The following KIF26B variants were observed in gnomAD, a reference collection of about 807,000 sequenced individuals.
KIF26B encodes kinesin family member 26B, also known as kinesin-like protein KIF26B.
KIF26B carries 63 observed loss-of-function variants against 151.2 expected under a neutral mutation model. The observed-to-expected ratio is 0.42, with a 90% confidence interval of 0.34 to 0.51. KIF26B has a LOEUF of 0.51. Ranked by LOEUF, KIF26B falls within the 20% of genes least tolerant of loss-of-function variation. The pLI is 0.07. For synonymous variants in KIF26B, 1,357 were observed against 1,262.1 expected, an observed-to-expected ratio of 1.08 and a Z score of -1.59; for missense variants, 2,813 against 2,913.6, an observed-to-expected ratio of 0.97 and a Z score of 0.79.
chr1:245,239,041 G>A lies in KIF26B; in HGVS notation c.465+82358G>A, dbSNP rs958988047. ...GACGTGGTTTCTTACGTCTAATTTC[G>A]TTTTCCACCATCTACTGCAAGAGTT... On this transcript the variant is annotated intron_variant, in intron 2 of 14. Transcript: ENST00000407071. This position sits in a 1 kb window ranked among gnomAD's most constrained non-coding sequence, Gnocchi z 4.3. Among the ~76,000 whole-genome samples, 3 of 152,070 alleles carry A rather than the reference G, an allele frequency of 2.0e-5. No individual in the cohort carries two copies. The highest frequency in any genetic ancestry group is 6.6e-5 in the Admixed American group (1 of 15,258).
chr1:245,219,304 A>T (rs999465562), intron 2 of KIF26B, among the ~76,000 whole-genome samples: 5 of 151,564 alleles, frequency 3.3e-5, no homozygotes, highest in Admixed American at 6.6e-5. Context: ...ACGCGCAGCT[A>T]ATTTTTTAGT....
At chr1:245,678,526 G>C (rs2044384086) in intron 10 of KIF26B, among the ~76,000 whole-genome samples, 1 of 152,072 alleles carries the variant, frequency 6.6e-6, no homozygotes, top group East Asian at 1.9e-4. Flanking sequence ...AATTCTGTGT[G>C]TGTAGTTTCC....
intron 10 of KIF26B, among the ~76,000 whole-genome samples, chr1:245,661,646 A>G (rs115780329): frequency 0.014 from 2,110 of 150,730 alleles, 62 homozygotes; most frequent in African/African-American, 0.049. Flanking sequence ...ATATACACCC[A>G]ATGTTATATA....
At chr1:245,565,596 G>T (rs2043001738) in intron 5 of KIF26B, among the ~76,000 whole-genome samples, 1 of 152,142 alleles carries the variant, frequency 6.6e-6, no homozygotes. Flanking sequence ...AGCCTCTGAT[G>T]CGTTCTTGCC....
In KIF26B at chr1:245,218,328, A is replaced by T. The variant is rs1669690800; in HGVS notation, c.465+61645A>T. The stretch of plus-strand genomic sequence containing the variant: ...TGGTTAGCATAAGATAAACAGGGAT[A>T]GTAGCAGCAGTTGTCACTCTGAGGG... On this transcript the variant is annotated intron_variant, in intron 2 of 14. Transcript: ENST00000407071. The surrounding 1 kb of genome is among the most constrained non-coding windows in gnomAD (Gnocchi z 4.1). 1.3e-5 allele frequency among the ~76,000 whole-genome samples: 2 copies of T among 151,958 alleles called. No individual in the cohort carries two copies. Among genetic ancestry groups the T allele is most frequent in the Non-Finnish European group, 2.9e-5 (2 of 68,022 alleles).
intron 2 of KIF26B, among the ~76,000 whole-genome samples, chr1:245,255,941 G>T (rs975498336): frequency 2.0e-5 from 3 of 152,148 alleles, no homozygotes; most frequent in Non-Finnish European, 4.4e-5. Flanking sequence ...GTAAATGGTT[G>T]AAATACTTCC....
At chr1:245,207,546 C>G (rs1669432174) in intron 2 of KIF26B, among the ~76,000 whole-genome samples, 1 of 152,182 alleles carries the variant, frequency 6.6e-6, no homozygotes, top group Admixed American at 6.5e-5. Flanking sequence ...GCAATGGCAT[C>G]TAATAAATAC....
chr1:245,211,018 G>A (rs1304192790), intron 2 of KIF26B, among the ~76,000 whole-genome samples: 1 of 152,136 alleles, frequency 6.6e-6, no homozygotes, highest in South Asian at 2.1e-4. Context: ...GGAGTATGGC[G>A]GTTTTTAAGC....
chr1:245,240,362 A>G (rs1293398237), intron 2 of KIF26B, among the ~76,000 whole-genome samples: 1 of 152,066 alleles, frequency 6.6e-6, no homozygotes, highest in African/African-American at 2.4e-5. Context: ...GTCGCACCTT[A>G]GTGTATATAC....
intron 10 of KIF26B, among the ~76,000 whole-genome samples, chr1:245,660,154 CAT>C (rs1366373067): frequency 6.6e-6 from 1 of 151,486 alleles, no homozygotes; most frequent in Non-Finnish European, 1.5e-5. Context: ...CAACTCTCCA[CAT>C]GTCTAGAATT....
intron 2 of KIF26B, among the ~76,000 whole-genome samples, chr1:245,364,561 C>T (rs1282777474): frequency 1.3e-5 from 2 of 151,532 alleles, no homozygotes; most frequent in Admixed American, 6.6e-5. Context: ...GCTGGGACTA[C>T]AGGCGCCCGC....
At chr1:245,408,311 T>C (rs1045615913) in intron 3 of KIF26B, among the ~76,000 whole-genome samples, 1 of 151,512 alleles carries the variant, frequency 6.6e-6, no homozygotes, top group African/African-American at 2.4e-5. Context: ...CAAATAATCC[T>C]AATTATGATC....
At chr1:245,174,183 A>G (rs1270828274) in intron 2 of KIF26B, among the ~76,000 whole-genome samples, 1 of 152,184 alleles carries the variant, frequency 6.6e-6, no homozygotes, top group African/African-American at 2.4e-5. Flanking sequence ...CTGCCCACAC[A>G]TTTTATGTGT....
rs530913117 is a variant in KIF26B, at chr1:245,516,829, T to G, written c.1167-23938T>G. On this transcript the variant is annotated intron_variant, in intron 4 of 14. Coordinates refer to ENST00000407071, the MANE Select transcript of KIF26B (RefSeq NM_018012.4). The surrounding 1 kb of genome is among the most constrained non-coding windows in gnomAD (Gnocchi z 4.2). The stretch of plus-strand genomic sequence containing the variant: ...ATTCTCTTCAGCTGAACACAAAAGT[T>G]CCGGTTACCAGACTGTCCCTGGATA... 6.7e-6 allele frequency among the ~76,000 whole-genome samples: 1 copy of G among 149,340 alleles called. No individual in the cohort carries two copies. The highest frequency in any genetic ancestry group is 2.2e-4 in the South Asian group (1 of 4,586).
intron 2 of KIF26B, among the ~76,000 whole-genome samples, chr1:245,204,639 G>A (rs763331315): frequency 8.5e-5 from 13 of 152,256 alleles, no homozygotes; most frequent in South Asian, 4.1e-4. Flanking sequence ...CTCCTAAAGT[G>A]CTGGGATTAC....
In KIF26B at chr1:245,516,740, C is replaced by T. The variant is rs1286100235; in HGVS notation, c.1167-24027C>T. Among the ~76,000 whole-genome samples, 5 of 152,200 alleles carry T rather than the reference C, an allele frequency of 3.3e-5. No homozygotes were observed. Among genetic ancestry groups the T allele is most frequent in the Admixed American group, 6.5e-5 (1 of 15,276 alleles). Reference sequence around the variant, plus strand: ...AAGCCACAAATCTGAGATGTCAGCTCATAAATCTGTAAGCTCCTTGCTTAA... The same window carrying T: ...AAGCCACAAATCTGAGATGTCAGCTTATAAATCTGTAAGCTCCTTGCTTAA... On this transcript the variant is annotated intron_variant, in intron 4 of 14. Transcript: ENST00000407071. The surrounding 1 kb of genome is among the most constrained non-coding windows in gnomAD (Gnocchi z 4.2).
intron 2 of KIF26B, among the ~76,000 whole-genome samples, chr1:245,289,546 G>A (rs1671222181): frequency 6.6e-6 from 1 of 152,190 alleles, no homozygotes; most frequent in Non-Finnish European, 1.5e-5. Context: ...GACTTAAACT[G>A]TGGCTTTGTG....
At chr1:245,587,717 C>CAA (rs1179430701) in intron 5 of KIF26B, among the ~76,000 whole-genome samples, 3 of 152,182 alleles carry the variant, frequency 2.0e-5, no homozygotes, top group African/African-American at 7.2e-5. Flanking sequence ...AGCTCTGAAA[C>CAA]AAAGCTTCAG....
At chr1:245,237,211 T>C (rs2103558229) in intron 2 of KIF26B, among the ~76,000 whole-genome samples, 1 of 152,340 alleles carries the variant, frequency 6.6e-6, no homozygotes, top group East Asian at 1.9e-4. Context: ...AAATGAGGGC[T>C]AGACAGATGT....
Sources: allele counts gnomAD v4.1 joint callset (sites outside exome capture counted in the v4.1 genomes callset), GRCh38; gene constraint gnomAD v4.1.1; non-coding constraint Gnocchi (gnomAD v3.1); transcripts MANE v1.5; gene names NCBI Gene and HGNC (gene_info 2026-07-23, HGNC 2026-07-21).